ATRNL1: variants seen among roughly 807,000 people sequenced by gnomAD.
ATRNL1 encodes the protein attractin like 1.
A neutral mutation model predicts 182.7 loss-of-function variants in ATRNL1; 95 were observed. The observed-to-expected ratio is 0.52, with a 90% CI of 0.44 to 0.62. The LOEUF (loss-of-function observed/expected upper bound fraction) is 0.62. ATRNL1 is among the 20% of genes least tolerant of loss of function. The pLI is 0.00. For missense variants in ATRNL1, 1,471 were observed against 1,679.5 expected (o/e 0.88, Z 2.17); for synonymous variants, 576 against 568.3 (o/e 1.01, Z -0.19).
At chr10:115,650,296 G>T (rs1859904468) in intron 26 of ATRNL1, among the ~76,000 whole-genome samples, 1 of 152,038 alleles carries the variant, frequency 6.6e-6, no homozygotes, top group Non-Finnish European at 1.5e-5. Context: ...GACACGATTG[G>T]ACATGATTGT....
intron 26 of ATRNL1, among the ~76,000 whole-genome samples, chr10:115,677,274 T>G (rs1426421176): frequency 6.6e-6 from 1 of 152,050 alleles, no homozygotes; most frequent in Non-Finnish European, 1.5e-5. Context: ...AGAGGTAGCA[T>G]ACATAAGCTT....
At chr10:115,750,451 G>A (rs1486451750) in intron 27 of ATRNL1, among the ~76,000 whole-genome samples, 1 of 151,836 alleles carries the variant, frequency 6.6e-6, no homozygotes, top group Non-Finnish European at 1.5e-5. Flanking sequence ...TGTTCCAAAT[G>A]TAACAGAATC....
chr10:115,093,442 C>T lies in ATRNL1; in HGVS notation c.-309C>T. The T allele has an allele frequency of 2.1e-6, 1 of 487,082 alleles. No individual in the cohort carries two copies. The highest frequency in any genetic ancestry group is 3.0e-5 in the Admixed American group (1 of 32,926). The allele number at this position is 487,082 out of a possible 1,614,324, so 30.2% of individuals were successfully genotyped here. On this transcript the variant is annotated 5_prime_UTR_variant, in exon 1 of 29. Coordinates refer to ENST00000355044, the MANE Select transcript of ATRNL1 (RefSeq NM_207303.4). The surrounding 1 kb of genome is among the most constrained non-coding windows in gnomAD (Gnocchi z 6.1). ...TGCCGGTCAGGTCCCCTCAGGAGCG[C>T]CGGGCGCAGTCTGCGCCTCCCGCTC...
intron 9 of ATRNL1, among the ~76,000 whole-genome samples, chr10:115,221,855 A>G (rs1240171820): frequency 1.3e-5 from 2 of 152,172 alleles, no homozygotes; most frequent in South Asian, 2.1e-4. Flanking sequence ...ATGTAGTTAG[A>G]TGGCAACATA....
intron 26 of ATRNL1, among the ~76,000 whole-genome samples, chr10:115,647,036 G>C (rs1187991890): frequency 1.4e-5 from 2 of 145,906 alleles, no homozygotes; most frequent in East Asian, 4.1e-4. Flanking sequence ...CCACCTATGA[G>C]TGAGAACATG....
At chr10:115,098,659 G>A (rs566328309) in intron 1 of ATRNL1, among the ~76,000 whole-genome samples, 8 of 151,590 alleles carry the variant, frequency 5.3e-5, no homozygotes, top group South Asian at 4.2e-4. Flanking sequence ...GGGTATCACC[G>A]TGTTAGCCAG....
chr10:115,332,625 C>T (rs782373664), intron 18 of ATRNL1, among the ~76,000 whole-genome samples: 3 of 152,076 alleles, frequency 2.0e-5, no homozygotes, highest in Non-Finnish European at 2.9e-5. Flanking sequence ...TTTTTCATAA[C>T]TGCATATTCT....
At chr10:115,535,271 A>G (rs187235374) in intron 25 of ATRNL1, among the ~76,000 whole-genome samples, 2 of 152,240 alleles carry the variant, frequency 1.3e-5, no homozygotes, top group Admixed American at 6.5e-5. Flanking sequence ...TGGTCTTTTC[A>G]CATAATCCCA....
chr10:115,773,144 C>G (rs892610930), intron 27 of ATRNL1, among the ~76,000 whole-genome samples: 1 of 152,134 alleles, frequency 6.6e-6, no homozygotes, highest in Non-Finnish European at 1.5e-5. Context: ...GAGAATGACT[C>G]TTTTTAACAG....
intron 26 of ATRNL1, among the ~76,000 whole-genome samples, chr10:115,609,775 G>A (rs1312729930): frequency 6.6e-6 from 1 of 152,084 alleles, no homozygotes. Context: ...GAATCTGAGA[G>A]TCAAATAGTT....
At chr10:115,650,782 T>C (rs1323153494) in intron 26 of ATRNL1, among the ~76,000 whole-genome samples, 1 of 151,850 alleles carries the variant, frequency 6.6e-6, no homozygotes, top group African/African-American at 2.4e-5. Context: ...GCTTATGGAG[T>C]GTTGTGTTGT....
At chr10:115,217,151 C>T (rs782035768) in intron 9 of ATRNL1, among the ~76,000 whole-genome samples, 10 of 152,136 alleles carry the variant, frequency 6.6e-5, no homozygotes, top group African/African-American at 9.7e-5. Flanking sequence ...TGCAGTGGCA[C>T]GATCTCAGCT....
intron 9 of ATRNL1, among the ~76,000 whole-genome samples, chr10:115,223,913 G>GTGTA (rs71476115): frequency 2.3e-3 from 128 of 55,906 alleles, no homozygotes; most frequent in African/African-American, 5.3e-3. Context: ...GTGTGTGTGT[G>GTGTA]TATATATATA....
chr10:115,517,849 T>C (rs1850718195), intron 24 of ATRNL1, among the ~76,000 whole-genome samples: 1 of 151,850 alleles, frequency 6.6e-6, no homozygotes, highest in South Asian at 2.1e-4. Flanking sequence ...TGATATTCTA[T>C]GGACAAAGAC....
At chr10:115,904,899 G>A (rs957219616) in intron 28 of ATRNL1, among the ~76,000 whole-genome samples, 3 of 152,132 alleles carry the variant, frequency 2.0e-5, no homozygotes, top group Admixed American at 1.3e-4. Flanking sequence ...TCCAATTTTT[G>A]ATATTGCTCA....
chr10:115,460,566 C>T (rs1369179512), intron 21 of ATRNL1, among the ~76,000 whole-genome samples: 1 of 152,114 alleles, frequency 6.6e-6, no homozygotes, highest in Non-Finnish European at 1.5e-5. Context: ...TACCTCCTTG[C>T]CTGTATTACT....
chr10:115,255,702 C>T (rs1851094550), intron 10 of ATRNL1, among the ~76,000 whole-genome samples: 1 of 152,158 alleles, frequency 6.6e-6, no homozygotes, highest in Non-Finnish European at 1.5e-5. Context: ...GAGAGGGCAT[C>T]CCTGTCTTGT....
Position 115,727,997 on chromosome 10 carries a change from C to A in ATRNL1, c.3903+642C>A, listed in dbSNP as rs12770810. Among the ~76,000 whole-genome samples the A allele has an allele frequency of 1.3e-5, 2 of 150,618 alleles. 1 individual carries two copies. The highest frequency in any genetic ancestry group is 1.3e-4 in the Admixed American group (2 of 15,150). The stretch of plus-strand genomic sequence containing the variant: ...AATCCCTAAAGATGCAAAATTCGGC[C>A]GGGCGCGGTGGCTCACACCTGCAAT... On this transcript the variant is annotated intron_variant, in intron 27 of 28. Transcript: ENST00000355044.
intron 17 of ATRNL1, among the ~76,000 whole-genome samples, chr10:115,302,969 T>A (rs1853551817): frequency 7.2e-6 from 1 of 137,986 alleles, no homozygotes; most frequent in Non-Finnish European, 1.5e-5. Context: ...CCTTTTCACC[T>A]GAATTAATTG....
Sources: allele counts gnomAD v4.1 joint callset (sites outside exome capture counted in the v4.1 genomes callset), GRCh38; gene constraint gnomAD v4.1.1; non-coding constraint Gnocchi (gnomAD v3.1); transcripts MANE v1.5; gene names NCBI Gene and HGNC (gene_info 2026-07-23, HGNC 2026-07-21).